Variants in INSR observed in about 807,000 individuals in gnomAD.
INSR encodes the protein insulin receptor.
INSR carries 67 observed loss-of-function variants against 142.6 expected under a neutral mutation model. The observed-to-expected ratio is 0.47, with a 90% CI of 0.39 to 0.58. INSR has a LOEUF of 0.58. Among genes scored for constraint, INSR ranks in the 20% least tolerant of loss-of-function variants. The pLI is 0.00. For synonymous variants in INSR, 756 were observed against 743.1 expected, an observed-to-expected ratio of 1.02 and a Z score of -0.28; for missense variants, 1,248 against 1,833.2, an observed-to-expected ratio of 0.68 and a Z score of 5.83.
intron 9 of INSR, among the ~76,000 whole-genome samples, chr19:7,160,616 C>T (rs1279121173): frequency 6.6e-6 from 1 of 151,768 alleles, no homozygotes; most frequent in Non-Finnish European, 1.5e-5. Flanking sequence ...CAGAGTGAGA[C>T]CCCATCTTAA....
chr19:7,186,190 G>C (rs1203950028), intron 2 of INSR, among the ~76,000 whole-genome samples: 1 of 152,080 alleles, frequency 6.6e-6, no homozygotes, highest in East Asian at 1.9e-4. Context: ...GGGAGACTCT[G>C]TCTCAAAACA....
Position 7,119,006 on chromosome 19 carries a change from C to A in INSR, c.3794+443G>T, listed in dbSNP as rs954744850. On this transcript the variant is annotated intron_variant, in intron 21 of 21. Coordinates refer to ENST00000302850, the MANE Select transcript of INSR (RefSeq NM_000208.4). The surrounding 1 kb of genome is among the most constrained non-coding windows in gnomAD (Gnocchi z 5.2). Reference sequence around the variant, plus strand: ...CAGTTCCCTTCTCCCAAGATAACTACCGCTATAGGTGTTTTGTGCAACCTT... The same window carrying A: ...CAGTTCCCTTCTCCCAAGATAACTAACGCTATAGGTGTTTTGTGCAACCTT... Among the ~76,000 whole-genome samples the A allele has an allele frequency of 6.6e-6, 1 of 151,766 alleles. No individual in the cohort carries two copies. Among genetic ancestry groups the A allele is most frequent in the Admixed American group, 6.6e-5 (1 of 15,232 alleles).
chr19:7,195,440 C>T (rs949082781), intron 2 of INSR, among the ~76,000 whole-genome samples: 1 of 151,852 alleles, frequency 6.6e-6, no homozygotes, highest in African/African-American at 2.4e-5. Context: ...ATCAGGAGTT[C>T]GAGACCAGCC....
intron 2 of INSR, among the ~76,000 whole-genome samples, chr19:7,241,084 G>T (rs1976324570): frequency 6.6e-6 from 1 of 152,108 alleles, no homozygotes; most frequent in African/African-American, 2.4e-5. Context: ...CTGGGAAGAA[G>T]GGAGGAGAAT....
Position 7,166,555 on chromosome 19 carries a change from C to A in INSR, c.1611-151G>T. 3.4e-5 allele frequency: 30 copies of A among 877,076 alleles called. No individual in the cohort carries two copies. The highest frequency in any genetic ancestry group is 5.4e-5 in the Non-Finnish European group (30 of 555,218). The allele number at this position is 877,076 out of a possible 1,614,324, so 54.3% of individuals were successfully genotyped here. A position where few individuals can be genotyped will look rare whatever the true frequency, so the allele number is the denominator to read the frequency against. ...ACAAGAAAAAATAACTCGGGAACAG[C>A]CAAAGAGAAAGGAACTGTCAACCCT... is the stretch of plus-strand genomic sequence containing the variant. On this transcript the variant is annotated intron_variant, in intron 7 of 21. Coordinates refer to ENST00000302850, the MANE Select transcript of INSR (RefSeq NM_000208.4). This position sits in a 1 kb window ranked among gnomAD's most constrained non-coding sequence, Gnocchi z 4.1.
chr19:7,174,662 G>C lies in INSR; in HGVS notation c.1044C>G (p.Ile348Met), dbSNP rs866621682. ...GCTCCTGGGCAGACGTCACCGAGTC[G>C]ATGGTCTTCTCGCCTTCTAGGAGGT... ...VCHLLEGEKT[I>M]DSVTSAQELR... Residue 348 changes from isoleucine (I) to methionine (M), a missense_variant, in exon 4 of 22, where the codon ATC becomes ATG. By Grantham distance (10) the Ile-to-Met change is conservative. Coordinates refer to ENST00000302850, the MANE Select transcript of INSR (RefSeq NM_000208.4). 2 of 1,613,776 alleles carry C rather than the reference G, an allele frequency of 1.2e-6. No homozygotes were observed. The highest frequency in any genetic ancestry group is 1.1e-5 in the South Asian group (1 of 91,064).
At position 7,118,035 on chromosome 19, in the gene INSR, G is replaced by A. The variant is rs967979750; in HGVS notation, c.3795-625C>T. On this transcript the variant is annotated intron_variant, in intron 21 of 21. Coordinates refer to ENST00000302850, the MANE Select transcript of INSR (RefSeq NM_000208.4). ...CATCCTCCTGCCTCAACCTCCCAAA[G>A]TGCTGAGGTTCCAGGCATGAGCCAT... Among the ~76,000 whole-genome samples, 7 of 151,518 alleles carry A rather than the reference G, an allele frequency of 4.6e-5. No individual in the cohort carries two copies. The East Asian group carries it at 1.4e-3, about 30-fold the overall frequency.
At chr19:7,177,606 C>A (rs904087910) in intron 3 of INSR, among the ~76,000 whole-genome samples, 4 of 151,662 alleles carry the variant, frequency 2.6e-5, no homozygotes, top group African/African-American at 7.3e-5. Context: ...CGGCTCACTG[C>A]AAGCTCCGCC....
At chr19:7,254,568 G>C (rs1161479895) in intron 2 of INSR, among the ~76,000 whole-genome samples, 8 of 152,028 alleles carry the variant, frequency 5.3e-5, no homozygotes, top group Non-Finnish European at 5.9e-5. Flanking sequence ...AAAGTAGAGA[G>C]GGAAGACAGA....
At chr19:7,280,217 C>T (rs537748962) in intron 1 of INSR, among the ~76,000 whole-genome samples, 68 of 151,092 alleles carry the variant, frequency 4.5e-4, no homozygotes, top group African/African-American at 1.3e-3. Flanking sequence ...TGAGTCGAGA[C>T]TGCGCCACTG....
At chr19:7,241,444 G>A (rs1282538546) in intron 2 of INSR, among the ~76,000 whole-genome samples, 4 of 151,988 alleles carry the variant, frequency 2.6e-5, no homozygotes, top group African/African-American at 4.8e-5. Context: ...CCAACATGGT[G>A]AAACCCCGTC....
chr19:7,157,532 G>T (rs1181541039), intron 9 of INSR, among the ~76,000 whole-genome samples: 1 of 151,422 alleles, frequency 6.6e-6, no homozygotes, highest in Non-Finnish European at 1.5e-5. Context: ...CAAAGTGCTG[G>T]GATTACAGGC....
At chr19:7,233,295 G>A (rs1976049031) in intron 2 of INSR, among the ~76,000 whole-genome samples, 1 of 152,118 alleles carries the variant, frequency 6.6e-6, no homozygotes, top group Admixed American at 6.6e-5. Flanking sequence ...TGCCCAGCCT[G>A]TGATACCTTT....
At chr19:7,164,188 T>G (rs1001708566) in intron 8 of INSR, among the ~76,000 whole-genome samples, 10 of 151,824 alleles carry the variant, frequency 6.6e-5, no homozygotes, top group Admixed American at 3.9e-4. Context: ...GGATAATTCT[T>G]TGTCATGAAG....
rs1395180753 is a variant in INSR at position 7,293,941 on chromosome 19, C to T, written c.-50G>A. On this transcript the variant is annotated 5_prime_UTR_variant, in exon 1 of 22. Coordinates refer to ENST00000302850, the MANE Select transcript of INSR (RefSeq NM_000208.4). ...CGGATCAGAGCGCGCGGCGCTGGCC[C>T]GCGGGGGTCATGCTCCGAGGCGGCC... 5.2e-6 allele frequency: 6 copies of T among 1,160,906 alleles called. No homozygotes were observed. In the African/African-American group the frequency reaches 8.1e-5, roughly 16 times the overall value. The allele number at this position is 1,160,906 out of a possible 1,614,324, so 71.9% of individuals were successfully genotyped here. A position where few individuals can be genotyped will look rare whatever the true frequency, so the allele number is the denominator to read the frequency against.
chr19:7,139,980 A>G (rs1973029150), intron 13 of INSR, among the ~76,000 whole-genome samples: 1 of 151,930 alleles, frequency 6.6e-6, no homozygotes, highest in Non-Finnish European at 1.5e-5. Context: ...GGCGCCCACC[A>G]TTACGTCCAG....
At chr19:7,127,362 T>C (rs1221921725) in intron 15 of INSR, among the ~76,000 whole-genome samples, 1 of 152,174 alleles carries the variant, frequency 6.6e-6, no homozygotes, top group Non-Finnish European at 1.5e-5. Flanking sequence ...AAAGATTAAA[T>C]TGTACAATGC....
chr19:7,245,380 C>T (rs567979476), intron 2 of INSR, among the ~76,000 whole-genome samples: 35 of 152,236 alleles, frequency 2.3e-4, no homozygotes, highest in African/African-American at 8.4e-4. Flanking sequence ...GCTTGTAGTC[C>T]CAGCAACTTG....
intron 12 of INSR, 57 bp downstream of exon 12, chr19:7,142,759 C>A: frequency 6.3e-7 from 1 of 1,599,004 alleles, no homozygotes; most frequent in Non-Finnish European, 8.6e-7. Flanking sequence ...AGAATCTGTC[C>A]TTGGTCAGCC....
Sources: allele counts gnomAD v4.1 joint callset (sites outside exome capture counted in the v4.1 genomes callset), GRCh38; gene constraint gnomAD v4.1.1; non-coding constraint Gnocchi (gnomAD v3.1); transcripts MANE v1.5; gene names NCBI Gene and HGNC (gene_info 2026-07-23, HGNC 2026-07-21).